Variants in TRDN observed in about 807,000 individuals in gnomAD.
TRDN encodes triadin, also known as triadin in skeletal muscle.
TRDN carries 161 observed loss-of-function variants against 149.7 expected under a neutral mutation model. The ratio of observed to expected loss-of-function variants is 1.08; its 90% confidence interval spans 0.95 to 1.23. The LOEUF (loss-of-function observed/expected upper bound fraction) is 1.23. TRDN is among the 50% of genes most tolerant of loss of function. TRDN has a pLI of 0.00. For synonymous variants in TRDN, 294 were observed against 250.5 expected (o/e 1.17, Z -1.64); for missense variants, 896 against 823.5 (o/e 1.09, Z -1.08).
intron 19 of TRDN, among the ~76,000 whole-genome samples, chr6:123,367,258 C>G (rs779602004): frequency 6.6e-5 from 10 of 152,114 alleles, no homozygotes; most frequent in Non-Finnish European, 1.5e-4. Context: ...CTTATTTCCT[C>G]ATTTTATAAC....
chr6:123,246,681 C>T (rs1776194130), intron 38 of TRDN, among the ~76,000 whole-genome samples: 1 of 151,996 alleles, frequency 6.6e-6, no homozygotes, highest in Non-Finnish European at 1.5e-5. Flanking sequence ...AGTACCATAC[C>T]TTCTGAAACT....
At chr6:123,322,182 C>A (rs1213705994) in intron 23 of TRDN, among the ~76,000 whole-genome samples, 2 of 152,146 alleles carry the variant, frequency 1.3e-5, no homozygotes, top group African/African-American at 4.8e-5. Context: ...CTGAGGAATC[C>A]TTCCATGCAT....
At chr6:123,302,168 T>C (rs1778453010) in intron 24 of TRDN, among the ~76,000 whole-genome samples, 1 of 151,906 alleles carries the variant, frequency 6.6e-6, no homozygotes, top group South Asian at 2.1e-4. Flanking sequence ...AGATATAAAC[T>C]AAATAGAGTA....
intron 1 of TRDN, among the ~76,000 whole-genome samples, chr6:123,596,705 G>C (rs970447983): frequency 3.3e-5 from 5 of 152,146 alleles, no homozygotes; most frequent in Non-Finnish European, 4.4e-5. Context: ...AATCTACCTT[G>C]TCTATGCTCT....
At chr6:123,300,787 A>G (rs1291157125) in intron 24 of TRDN, among the ~76,000 whole-genome samples, 15 of 152,006 alleles carry the variant, frequency 9.9e-5, no homozygotes, top group Admixed American at 9.9e-4. Context: ...TTGCTGTCTC[A>G]TGTACTTACT....
chr6:123,313,595 C>T (rs756816104), intron 24 of TRDN, among the ~76,000 whole-genome samples: 4 of 151,804 alleles, frequency 2.6e-5, no homozygotes, highest in Non-Finnish European at 4.4e-5. Flanking sequence ...GGAGATATCA[C>T]CAGTGAAGAC....
At chr6:123,476,088 G>C (rs1396224868) in intron 9 of TRDN, among the ~76,000 whole-genome samples, 1 of 136,538 alleles carries the variant, frequency 7.3e-6, no homozygotes, top group African/African-American at 2.8e-5. Flanking sequence ...GAAATAAATG[G>C]TATTCAATTA....
chr6:123,510,764 C>G (rs1001725365), intron 7 of TRDN, among the ~76,000 whole-genome samples: 4 of 151,876 alleles, frequency 2.6e-5, no homozygotes, highest in Non-Finnish European at 5.9e-5. Context: ...CTGTCTCAGC[C>G]TTCTGAGTAG....
At position 123,259,674 on chromosome 6, in the gene TRDN, A is replaced by G; in HGVS notation, c.1832-12T>C. 1 of 1,457,334 alleles carries G rather than the reference A, an allele frequency of 6.9e-7. No homozygotes were observed. The highest frequency in any genetic ancestry group is 9.3e-7 in the Non-Finnish European group (1 of 1,080,342). 90.3% of individuals were successfully genotyped at this position (1,457,334 alleles called of 1,614,324 possible). On this transcript the variant is annotated splice_polypyrimidine_tract_variant and intron_variant, in intron 34 of 40. Transcript: ENST00000334268. The stretch of plus-strand genomic sequence containing the variant: ...AGTTTTCTTCTTTCCTAGGGGAAAG[A>G]AAAACAACAAGAAACCATCATTTTA...
At chr6:123,349,893 T>C in intron 21 of TRDN, 1 of 985,356 alleles carries the variant, frequency 1.0e-6, no homozygotes, top group Non-Finnish European at 1.2e-6. Context: ...GGGTTTTGCC[T>C]GGTGTTGTGA....
At chr6:123,295,945 A>G (rs1475439565) in intron 24 of TRDN, among the ~76,000 whole-genome samples, 1 of 151,930 alleles carries the variant, frequency 6.6e-6, no homozygotes, top group African/African-American at 2.4e-5. Context: ...AGCCTGGGTG[A>G]TGGAGTAAGA....
chr6:123,518,421 A>G (rs539612342), intron 5 of TRDN, among the ~76,000 whole-genome samples: 9 of 152,244 alleles, frequency 5.9e-5, no homozygotes, highest in African/African-American at 1.9e-4. Context: ...CTGAGGGGGA[A>G]CCAAGTTTGT....
At chr6:123,536,687 C>CAATAAATA (rs143950900) in intron 4 of TRDN, among the ~76,000 whole-genome samples, 20,865 of 129,622 alleles carry the variant, frequency 0.16, 1,850 homozygotes, top group Non-Finnish European at 0.17. Context: ...TCCATCTCTA[C>CAATAAATA]AATAAATAAA....
chr6:123,627,599 G>A (rs551265463), intron 1 of TRDN, among the ~76,000 whole-genome samples: 21 of 152,302 alleles, frequency 1.4e-4, no homozygotes, highest in African/African-American at 5.1e-4. Flanking sequence ...GTCACCAGCT[G>A]CATTATTCCC....
At chr6:123,584,189 G>A (rs763733728) in intron 1 of TRDN, among the ~76,000 whole-genome samples, 18 of 152,242 alleles carry the variant, frequency 1.2e-4, no homozygotes, top group Non-Finnish European at 2.4e-4. Flanking sequence ...TGAAGTCCGG[G>A]CCAGGAACAA....
chr6:123,605,512 C>T (rs1784488186), intron 1 of TRDN, among the ~76,000 whole-genome samples: 1 of 149,580 alleles, frequency 6.7e-6, no homozygotes, highest in South Asian at 2.1e-4. Context: ...TTGGGCCAGG[C>T]GTGGTGGCTC....
chr6:123,230,082 C>T lies in TRDN; in HGVS notation c.1976-5951G>A, dbSNP rs545264669. Among the ~76,000 whole-genome samples, 30 of 152,026 alleles carry T rather than the reference C, an allele frequency of 2.0e-4. 1 individual carries two copies. The South Asian group carries it at 6.0e-3, about 31-fold the overall frequency. On this transcript the variant is annotated intron_variant, in intron 38 of 40. Transcript: ENST00000334268. ...ATTAAAGCTGCTATAAAGACACATG[C>T]ACACGTATGTTTACAGCGGCACTAT...
chr6:123,330,842 C>A (rs2114725202), intron 23 of TRDN, among the ~76,000 whole-genome samples: 1 of 152,148 alleles, frequency 6.6e-6, no homozygotes, highest in Non-Finnish European at 1.5e-5. Context: ...TTTCTGTCAG[C>A]TTTCCTCTCC....
intron 9 of TRDN, among the ~76,000 whole-genome samples, chr6:123,474,930 G>A (rs566363468): frequency 3.3e-5 from 5 of 152,256 alleles, no homozygotes; most frequent in Non-Finnish European, 4.4e-5. Context: ...AAAGCAGTGT[G>A]TAGAGGGAAA....
Sources: gnomAD v4.1 joint callset for allele counts (sites outside exome capture counted in the v4.1 genomes callset) on GRCh38, gnomAD v4.1.1 for gene constraint, MANE v1.5 for transcripts, NCBI Gene and HGNC (gene_info 2026-07-23, HGNC 2026-07-21) for gene names.